THSD7B: variants seen among roughly 807,000 people sequenced by gnomAD.
The protein encoded by THSD7B is thrombospondin type-1 domain-containing protein 7B.
THSD7B carries 138 observed loss-of-function variants against 213.6 expected under a neutral mutation model. That is an observed-to-expected ratio of 0.65 (90% CI 0.56 to 0.74). The LOEUF (loss-of-function observed/expected upper bound fraction) is 0.74. Ranked by LOEUF, THSD7B falls within the 30% of genes least tolerant of loss-of-function variation. THSD7B has a pLI of 0.00. For synonymous variants in THSD7B, 742 were observed against 687.0 expected (o/e 1.08, Z -1.25); for missense variants, 1,931 against 1,991.5 (o/e 0.97, Z 0.58).
At chr2:137,154,490 C>G (rs1000392730) in intron 5 of THSD7B, among the ~76,000 whole-genome samples, 1 of 152,078 alleles carries the variant, frequency 6.6e-6, no homozygotes, top group Non-Finnish European at 1.5e-5. Flanking sequence ...AAGAGGGATA[C>G]ATGGTTATTA....
intron 4 of THSD7B, among the ~76,000 whole-genome samples, chr2:137,102,591 C>T (rs1688171559): frequency 6.6e-6 from 1 of 152,210 alleles, no homozygotes; most frequent in East Asian, 1.9e-4. Flanking sequence ...CAAACTCCTC[C>T]CAGCTAAAGG....
At chr2:136,961,088 C>CAAAAAAA (rs57328048) in intron 2 of THSD7B, among the ~76,000 whole-genome samples, 1 of 39,072 alleles carries the variant, frequency 2.6e-5, no homozygotes, top group Non-Finnish European at 4.0e-5. Context: ...GACTCCGTCT[C>CAAAAAAA]AAAAAAAAAA....
chr2:137,083,839 C>G (rs1004980391), intron 3 of THSD7B, among the ~76,000 whole-genome samples: 5 of 152,064 alleles, frequency 3.3e-5, no homozygotes, highest in African/African-American at 1.2e-4. Flanking sequence ...ATATGGATAG[C>G]ACTGTTTTTG....
chr2:137,288,382 A>G (rs560219207), intron 12 of THSD7B, among the ~76,000 whole-genome samples: 3 of 152,252 alleles, frequency 2.0e-5, no homozygotes, highest in African/African-American at 7.2e-5. Context: ...AAAACCTACT[A>G]GAGTCTATGA....
intron 14 of THSD7B, among the ~76,000 whole-genome samples, chr2:137,414,530 T>C (rs1686749348): frequency 6.7e-6 from 1 of 149,504 alleles, no homozygotes; most frequent in African/African-American, 2.5e-5. Flanking sequence ...ACAAGCCTGG[T>C]CAACATAGGG....
chr2:136,978,200 T>C (rs1210710038), intron 2 of THSD7B, among the ~76,000 whole-genome samples: 1 of 152,256 alleles, frequency 6.6e-6, no homozygotes, highest in East Asian at 1.9e-4. Flanking sequence ...AGGAGTGTTT[T>C]ACTTCTGATT....
intron 2 of THSD7B, among the ~76,000 whole-genome samples, chr2:136,933,246 G>A (rs558636234): frequency 1.3e-5 from 2 of 151,390 alleles, no homozygotes; most frequent in South Asian, 4.2e-4. Flanking sequence ...GATAACTTCA[G>A]ATCTATTATG....
chr2:136,952,723 A>G (rs1685059879), intron 2 of THSD7B, among the ~76,000 whole-genome samples: 1 of 152,122 alleles, frequency 6.6e-6, no homozygotes, highest in Non-Finnish European at 1.5e-5. Context: ...ACAAAGAGGT[A>G]TTCTTTTATT....
intron 15 of THSD7B, among the ~76,000 whole-genome samples, chr2:137,533,262 C>G (rs1020888590): frequency 1.3e-5 from 2 of 151,708 alleles, no homozygotes; most frequent in Non-Finnish European, 2.9e-5. Flanking sequence ...TTCTCTATAA[C>G]GTGCCTCTCC....
chr2:137,510,935 A>G (rs1679948633), intron 15 of THSD7B, among the ~76,000 whole-genome samples: 1 of 152,166 alleles, frequency 6.6e-6, no homozygotes, highest in Non-Finnish European at 1.5e-5. Context: ...TATACTAACT[A>G]CTATGCCACA....
chr2:136,788,549 GA>G (rs1390291074), intron 1 of THSD7B, among the ~76,000 whole-genome samples: 1 of 152,066 alleles, frequency 6.6e-6, no homozygotes, highest in Non-Finnish European at 1.5e-5. Flanking sequence ...TTTTATATTT[GA>G]TTTTTTTTCC....
At chr2:137,588,053 C>G (rs1325010777) in intron 17 of THSD7B, among the ~76,000 whole-genome samples, 1 of 152,226 alleles carries the variant, frequency 6.6e-6, no homozygotes, top group African/African-American at 2.4e-5. Flanking sequence ...CTCCCCCAGC[C>G]TGGCTGCCCC....
intron 15 of THSD7B, among the ~76,000 whole-genome samples, chr2:137,550,470 A>G (rs1363304751): frequency 6.6e-6 from 1 of 152,150 alleles, no homozygotes; most frequent in African/African-American, 2.4e-5. Context: ...TTCTGCATTA[A>G]GAAACTAAGG....
chr2:137,523,443 G>A (rs1017770751), intron 15 of THSD7B, among the ~76,000 whole-genome samples: 1 of 152,150 alleles, frequency 6.6e-6, no homozygotes, highest in African/African-American at 2.4e-5. Context: ...GTTACTTTGT[G>A]TATTCATACA....
chr2:137,139,435 A>T (rs371761405), intron 5 of THSD7B, among the ~76,000 whole-genome samples: 5 of 152,198 alleles, frequency 3.3e-5, no homozygotes, highest in African/African-American at 1.2e-4. Flanking sequence ...TAGAGAGCCA[A>T]TGTGATACAG....
rs376062291 is a variant in THSD7B at position 136,811,059 on chromosome 2, G to A, written c.-36+45372G>A. On this transcript the variant is annotated intron_variant, in intron 1 of 27. Coordinates refer to ENST00000409968, the MANE Select transcript of THSD7B (RefSeq NM_001316349.2). ...GGCAACAAAGGGAGCCCTTGATGGC[G>A]GAGAGTCCTGGAAAGTCTCATTCAC... Among the ~76,000 whole-genome samples the A allele has an allele frequency of 2.8e-4, 43 of 152,232 alleles. 1 individual carries two copies. The Middle Eastern group carries it at 0.014, about 48-fold the overall frequency.
At chr2:137,353,536 C>T (rs1488730474) in intron 12 of THSD7B, among the ~76,000 whole-genome samples, 2 of 151,984 alleles carry the variant, frequency 1.3e-5, no homozygotes, top group Non-Finnish European at 2.9e-5. Flanking sequence ...ATGGATTTCC[C>T]TAAAATAACA....
intron 5 of THSD7B, among the ~76,000 whole-genome samples, chr2:137,150,575 A>G (rs1679797565): frequency 1.3e-5 from 2 of 152,134 alleles, no homozygotes; most frequent in South Asian, 4.1e-4. Flanking sequence ...CCATGATTGC[A>G]AGTTTCCTGA....
intron 3 of THSD7B, among the ~76,000 whole-genome samples, chr2:137,083,240 A>G (rs1458611298): frequency 6.6e-6 from 1 of 152,144 alleles, no homozygotes; most frequent in African/African-American, 2.4e-5. Context: ...TTTTTATCAA[A>G]TAACACCTAA....
Sources: gnomAD v4.1 joint callset for allele counts (sites outside exome capture counted in the v4.1 genomes callset) on GRCh38, gnomAD v4.1.1 for gene constraint, MANE v1.5 for transcripts, NCBI Gene and HGNC (gene_info 2026-07-23, HGNC 2026-07-21) for gene names.